Variants in TRPM3 observed in about 807,000 individuals in gnomAD.
TRPM3 encodes transient receptor potential cation channel subfamily M member 3.
A neutral mutation model predicts 181.2 loss-of-function variants in TRPM3; 77 were observed. The observed-to-expected ratio is 0.42, with a 90% CI of 0.35 to 0.51. TRPM3 has a LOEUF of 0.51. TRPM3 is among the 20% of genes least tolerant of loss of function. The pLI, the probability that TRPM3 is intolerant of heterozygous loss-of-function variation, is 0.01. For missense variants in TRPM3, 1,759 were observed against 2,196.7 expected, an observed-to-expected ratio of 0.80 and a Z score of 3.98; for synonymous variants, 745 against 796.4, an observed-to-expected ratio of 0.94 and a Z score of 1.09.
At chr9:71,030,442 G>C (rs773481084) in intron 1 of TRPM3, among the ~76,000 whole-genome samples, 1 of 151,950 alleles carries the variant, frequency 6.6e-6, no homozygotes, top group Non-Finnish European at 1.5e-5. Flanking sequence ...GCTGATGCCT[G>C]TAATTCTAGC....
intron 18 of TRPM3, among the ~76,000 whole-genome samples, chr9:70,611,624 G>A (rs766279664): frequency 3.9e-5 from 6 of 152,164 alleles, no homozygotes; most frequent in Non-Finnish European, 7.3e-5. Context: ...ATGTGAAAAC[G>A]GGACTAAAAC....
chr9:71,050,357 A>G (rs1045847868), intron 1 of TRPM3, among the ~76,000 whole-genome samples: 3 of 152,178 alleles, frequency 2.0e-5, no homozygotes, highest in Non-Finnish European at 4.4e-5. Context: ...TAAATATTAA[A>G]AAGTACAATT....
chr9:71,120,139 C>T (rs747635566), intron 1 of TRPM3, among the ~76,000 whole-genome samples: 5 of 152,294 alleles, frequency 3.3e-5, no homozygotes, highest in Admixed American at 6.5e-5. Flanking sequence ...CCAAGTGTAA[C>T]GTATTCAGGG....
intron 1 of TRPM3, among the ~76,000 whole-genome samples, chr9:71,176,275 TG>T (rs2077103002): frequency 1.3e-5 from 2 of 152,116 alleles, no homozygotes; most frequent in African/African-American, 2.4e-5. Flanking sequence ...GACCTTCCAG[TG>T]GGACAAGATG....
intron 1 of TRPM3, among the ~76,000 whole-genome samples, chr9:70,965,346 G>C (rs2097174720): frequency 6.6e-6 from 1 of 152,020 alleles, no homozygotes; most frequent in Non-Finnish European, 1.5e-5. Context: ...GTTTAAATTA[G>C]AACTGTTGCA....
chr9:71,318,789 TAA>T (rs1322489456), intron 1 of TRPM3, among the ~76,000 whole-genome samples: 1 of 152,174 alleles, frequency 6.6e-6, no homozygotes. Flanking sequence ...TGAAATAAGA[TAA>T]ACTTTATGTA....
intron 1 of TRPM3, among the ~76,000 whole-genome samples, chr9:71,418,813 CTA>C (rs67074520): frequency 0.041 from 4,646 of 113,118 alleles, 177 homozygotes; most frequent in African/African-American, 0.11. Context: ...TATATATATA[CTA>C]TATATATATA....
chr9:71,399,763 C>A (rs1290427915), intron 1 of TRPM3, among the ~76,000 whole-genome samples: 1 of 152,074 alleles, frequency 6.6e-6, no homozygotes, highest in African/African-American at 2.4e-5. Flanking sequence ...GATCTCCTGA[C>A]CTTGTGATCC....
chr9:70,564,710 G>A (rs1480988980), intron 22 of TRPM3, among the ~76,000 whole-genome samples: 2 of 152,064 alleles, frequency 1.3e-5, no homozygotes, highest in African/African-American at 2.4e-5. Context: ...GCACATCAGG[G>A]GACATGAGGC....
chr9:70,917,566 G>GTTTTTTTTTTTTTTTTTT, intron 1 of TRPM3: 1 of 472,510 alleles, frequency 2.1e-6, no homozygotes. Flanking sequence ...GTGTTAAGTT[G>GTTTTTTTTTTTTTTTTTT]TTATATCAAC....
chr9:71,169,317 A>G (rs1354897269), intron 1 of TRPM3, among the ~76,000 whole-genome samples: 1 of 152,224 alleles, frequency 6.6e-6, no homozygotes, highest in African/African-American at 2.4e-5. Context: ...TGCTCTTTAT[A>G]TTCACCAACG....
At chr9:71,128,422 T>TGG (rs886364379) in intron 1 of TRPM3, among the ~76,000 whole-genome samples, 3 of 152,182 alleles carry the variant, frequency 2.0e-5, no homozygotes, top group African/African-American at 7.2e-5. Context: ...ACAAAGGGGA[T>TGG]GGGGTTTTAG....
chr9:71,407,645 G>A (rs1256717490), intron 1 of TRPM3, among the ~76,000 whole-genome samples: 1 of 152,176 alleles, frequency 6.6e-6, no homozygotes, highest in Non-Finnish European at 1.5e-5. Flanking sequence ...CACCTCTGGG[G>A]GCAGGGCATA....
intron 1 of TRPM3, among the ~76,000 whole-genome samples, chr9:71,362,108 T>C (rs1200906610): frequency 6.6e-6 from 1 of 152,180 alleles, no homozygotes; most frequent in East Asian, 1.9e-4. Context: ...TTTACCACAC[T>C]AATCATGCCC....
chr9:70,657,107 A>G (rs748014568), intron 9 of TRPM3, among the ~76,000 whole-genome samples: 1 of 151,622 alleles, frequency 6.6e-6, no homozygotes. Context: ...GAGGATTTAT[A>G]TACATAAAAA....
intron 22 of TRPM3, among the ~76,000 whole-genome samples, chr9:70,583,145 C>A (rs560297229): frequency 6.6e-6 from 1 of 152,270 alleles, no homozygotes; most frequent in East Asian, 1.9e-4. Context: ...TCCAAATGTA[C>A]AAGCTCTCAG....
chr9:70,782,765 A>G (rs2082732745), intron 7 of TRPM3, among the ~76,000 whole-genome samples: 1 of 151,906 alleles, frequency 6.6e-6, no homozygotes, highest in African/African-American at 2.4e-5. Context: ...CTTAGAGTTT[A>G]TAAAAATTAT....
At chr9:70,749,093 T>C (rs1284481966) in intron 8 of TRPM3, among the ~76,000 whole-genome samples, 1 of 152,028 alleles carries the variant, frequency 6.6e-6, no homozygotes, top group Admixed American at 6.6e-5. Context: ...CTCAAACTCC[T>C]GGGCTCAAGT....
intron 1 of TRPM3, among the ~76,000 whole-genome samples, chr9:71,308,694 T>C (rs926701841): frequency 2.6e-5 from 4 of 152,070 alleles, no homozygotes; most frequent in African/African-American, 7.2e-5. Flanking sequence ...TGCTCTGTAA[T>C]TGAAGTTCAA....
Sources: allele counts gnomAD v4.1 joint callset (sites outside exome capture counted in the v4.1 genomes callset), GRCh38; gene constraint gnomAD v4.1.1; transcripts MANE v1.5; gene names NCBI Gene and HGNC (gene_info 2026-07-23, HGNC 2026-07-21).